MDGA2: variants seen among roughly 807,000 people sequenced by gnomAD.
The protein encoded by MDGA2 is MAM domain-containing glycosylphosphatidylinositol anchor protein 2.
Under a neutral mutation model 117.8 loss-of-function variants are expected in MDGA2, and 40 were observed. The observed-to-expected ratio is 0.34, with a 90% CI of 0.26 to 0.44. The LOEUF (loss-of-function observed/expected upper bound fraction) is 0.44, where lower values mean the gene tolerates loss of function less well. Ranked by LOEUF, MDGA2 falls within the 20% of genes least tolerant of loss-of-function variation. The pLI is 1.00. For synonymous variants in MDGA2, 452 were observed against 439.0 expected, an observed-to-expected ratio of 1.03 and a Z score of -0.37; for missense variants, 1,123 against 1,250.6, an observed-to-expected ratio of 0.90 and a Z score of 1.54.
chr14:46,869,706 G>A (rs1881923094), intron 14 of MDGA2, among the ~76,000 whole-genome samples: 1 of 151,870 alleles, frequency 6.6e-6, no homozygotes, highest in South Asian at 2.1e-4. Context: ...GAACCAGACA[G>A]ACATATGGGA....
chr14:46,869,926 G>A (rs1003222863), intron 14 of MDGA2, among the ~76,000 whole-genome samples: 1 of 151,902 alleles, frequency 6.6e-6, no homozygotes. Flanking sequence ...AGCAAAGCCT[G>A]CCAAAAATCA....
intron 1 of MDGA2, among the ~76,000 whole-genome samples, chr14:47,611,672 C>A (rs558792863): frequency 6.6e-6 from 1 of 152,100 alleles, no homozygotes; most frequent in African/African-American, 2.4e-5. Flanking sequence ...TTTACTCCTG[C>A]CAAAATGGCC....
chr14:47,045,997 C>G (rs1889249079), intron 7 of MDGA2, among the ~76,000 whole-genome samples: 1 of 122,778 alleles, frequency 8.1e-6, no homozygotes, highest in African/African-American at 3.2e-5. Context: ...ACACCGGGGA[C>G]TGTTGTGGGG....
At chr14:47,321,879 T>G (rs1889990767) in intron 1 of MDGA2, among the ~76,000 whole-genome samples, 1 of 152,194 alleles carries the variant, frequency 6.6e-6, no homozygotes, top group Non-Finnish European at 1.5e-5. Flanking sequence ...AAAAGAATGT[T>G]TCTTTAATAA....
At position 47,464,812 on chromosome 14, in the gene MDGA2, A is replaced by T. The variant is rs988574385; in HGVS notation, c.281-163262T>A. Among the ~76,000 whole-genome samples, 4 of 152,308 alleles carry T rather than the reference A, an allele frequency of 2.6e-5. No homozygotes were observed. In the East Asian group the frequency reaches 7.7e-4, roughly 29 times the overall value. ...AAAATACCAAAGACATTCTTCACAG[A>T]ACTAGAAAAACGATTTTAAAACTCA... On this transcript the variant is annotated intron_variant, in intron 1 of 16. Coordinates refer to ENST00000399232, the MANE Select transcript of MDGA2 (RefSeq NM_001113498.3).
intron 1 of MDGA2, chr14:47,443,981 G>A (rs1893068571): frequency 6.6e-6 from 1 of 152,204 alleles, no homozygotes; most frequent in South Asian, 2.1e-4. Flanking sequence ...TTTATTGAAG[G>A]TATACATCTA....
intron 8 of MDGA2, among the ~76,000 whole-genome samples, chr14:46,973,582 A>C (rs1886346942): frequency 6.6e-6 from 1 of 152,152 alleles, no homozygotes; most frequent in African/African-American, 2.4e-5. Context: ...TGAAATAAAA[A>C]AAATGAATGG....
intron 4 of MDGA2, among the ~76,000 whole-genome samples, chr14:47,142,457 A>C (rs1356388480): frequency 6.6e-6 from 1 of 151,778 alleles, no homozygotes; most frequent in Non-Finnish European, 1.5e-5. Context: ...ACAAACAAAC[A>C]AACAAACAAA....
chr14:47,534,173 A>T (rs1895158992), intron 1 of MDGA2, among the ~76,000 whole-genome samples: 1 of 152,154 alleles, frequency 6.6e-6, no homozygotes. Flanking sequence ...GTGCTTTAAA[A>T]TAGGGGAAAC....
chr14:47,335,745 T>TATATATATATATATAC, intron 1 of MDGA2, among the ~76,000 whole-genome samples: 9,159 of 95,204 alleles, frequency 0.096, 958 homozygotes, highest in Non-Finnish European at 0.12. Context: ...TATATATATA[T>TATATATATATATATAC]ATACATACAT....
At chr14:46,935,537 T>C (rs182633470) in intron 9 of MDGA2, among the ~76,000 whole-genome samples, 18 of 152,306 alleles carry the variant, frequency 1.2e-4, no homozygotes, top group African/African-American at 3.8e-4. Context: ...ACTGTGATTA[T>C]TTATTAGAAC....
intron 7 of MDGA2, among the ~76,000 whole-genome samples, chr14:47,042,312 G>GTT (rs748830079): frequency 5.3e-4 from 69 of 129,878 alleles, no homozygotes; most frequent in African/African-American, 1.3e-3. Flanking sequence ...CCAAATCTAT[G>GTT]TTTTTTTTTT....
rs111994428 is a variant in MDGA2, at chr14:46,981,271, G to A, written c.1820-23628C>T. ...ATACAAAAACTAGCTGGCTGTGGTGGTATGCGCCTGTAATCCCAGCTACTC... is the reference window on the plus strand; with the variant it reads ...ATACAAAAACTAGCTGGCTGTGGTGATATGCGCCTGTAATCCCAGCTACTC... On this transcript the variant is annotated intron_variant, in intron 8 of 16. Coordinates refer to ENST00000399232, the MANE Select transcript of MDGA2 (RefSeq NM_001113498.3). Among the ~76,000 whole-genome samples, 7 of 152,122 alleles carry A rather than the reference G, an allele frequency of 4.6e-5. 1 individual carries two copies. The highest frequency in any genetic ancestry group is 1.7e-4 in the African/African-American group (7 of 41,518).
intron 1 of MDGA2, among the ~76,000 whole-genome samples, chr14:47,653,115 A>G (rs900730493): frequency 3.3e-5 from 5 of 152,194 alleles, no homozygotes; most frequent in African/African-American, 1.2e-4. Context: ...TAGATGGACA[A>G]GAAATAATCC....
intron 3 of MDGA2, among the ~76,000 whole-genome samples, chr14:47,187,858 A>C (rs907661384): frequency 6.6e-6 from 1 of 152,056 alleles, no homozygotes; most frequent in Non-Finnish European, 1.5e-5. Flanking sequence ...CATCCCTAGG[A>C]AAGGAAGGGT....
At chr14:46,885,136 C>T (rs751842864) in intron 10 of MDGA2, among the ~76,000 whole-genome samples, 2 of 151,898 alleles carry the variant, frequency 1.3e-5, no homozygotes, top group African/African-American at 4.8e-5. Context: ...CGTAAGTCAC[C>T]GTGCCTGGCC....
chr14:47,035,995 C>T (rs545559793), intron 7 of MDGA2, among the ~76,000 whole-genome samples: 38 of 151,918 alleles, frequency 2.5e-4, no homozygotes, highest in South Asian at 8.3e-4. Flanking sequence ...TTTGGTCTTG[C>T]GCGGTGGCTC....
At chr14:47,032,607 T>A (rs561095590) in intron 8 of MDGA2, among the ~76,000 whole-genome samples, 2 of 152,102 alleles carry the variant, frequency 1.3e-5, no homozygotes, top group Non-Finnish European at 2.9e-5. Context: ...AAAATCACTA[T>A]AAAAGTTAGA....
chr14:47,172,111 C>A (rs972799687), intron 3 of MDGA2, among the ~76,000 whole-genome samples: 1 of 152,192 alleles, frequency 6.6e-6, no homozygotes, highest in Non-Finnish European at 1.5e-5. Context: ...CCCACCATAG[C>A]CCAGGCTTGC....
Sources: allele counts gnomAD v4.1 joint callset (sites outside exome capture counted in the v4.1 genomes callset), GRCh38; gene constraint gnomAD v4.1.1; transcripts MANE v1.5; gene names NCBI Gene and HGNC (gene_info 2026-07-23, HGNC 2026-07-21).